NCOR2: variants seen among roughly 807,000 people sequenced by gnomAD.
NCOR2 encodes CTG repeat protein 26.
In NCOR2, 81 loss-of-function variants were observed where a neutral mutation model predicts 262.9. That is an observed-to-expected ratio of 0.31 (90% confidence interval 0.26 to 0.37). The LOEUF is 0.37. NCOR2 is among the 10% of genes least tolerant of loss of function. The pLI is 1.00. For synonymous variants in NCOR2, 1,659 were observed against 1,559.3 expected (o/e 1.06, Z -1.51); for missense variants, 3,385 against 3,621.4 (o/e 0.93, Z 1.68).
At chr12:124,509,232 T>TGGTG (rs1213884725) in intron 1 of NCOR2, among the ~76,000 whole-genome samples, 2 of 16,496 alleles carry the variant, frequency 1.2e-4, no homozygotes, top group Non-Finnish European at 2.7e-4. Flanking sequence ...GCACTGGCTT[T>TGGTG]GGTGGGGGGG....
chr12:124,424,624 C>T (rs1344122806), intron 11 of NCOR2, among the ~76,000 whole-genome samples: 1 of 152,186 alleles, frequency 6.6e-6, no homozygotes, highest in African/African-American at 2.4e-5. Flanking sequence ...TTTCTGAGTT[C>T]GGTATCTGCA....
chr12:124,496,095 C>T (rs538064464), upstream of NCOR2, among the ~76,000 whole-genome samples: 30 of 152,186 alleles, frequency 2.0e-4, no homozygotes, highest in Non-Finnish European at 3.4e-4. The surrounding 1 kb of genome is among the most constrained non-coding windows in gnomAD (Gnocchi z 4.4). Context: ...CTCGTGGCCA[C>T]GCCAGAGGAA....
chr12:124,355,334 C>T, intron 24 of NCOR2, 98 bp downstream of exon 26: 2 of 1,452,396 alleles, frequency 1.4e-6, no homozygotes, highest in Non-Finnish European at 9.3e-7. Flanking sequence ...ACCCAGGCCC[C>T]CGAGAGCCTG....
chr12:124,350,414 T>C (rs1175780255), intron 28 of NCOR2, among the ~76,000 whole-genome samples, 173 bp downstream of exon 30: 2 of 152,194 alleles, frequency 1.3e-5, no homozygotes, highest in Non-Finnish European at 2.9e-5. Flanking sequence ...GGGAGGCAGC[T>C]AAGGCCAACG....
Position 124,481,376 on chromosome 12 carries a change from C to A in NCOR2, c.411+2220G>T, listed in dbSNP as rs375014095. ...GAGACCCCCTTCAAGGCCGGCAGGG[C>A]CCCTGTGGCTGAATCTCACACCCCA... On this transcript the variant is annotated intron_variant, in intron 3 of 46. Coordinates refer to ENST00000405201, the Ensembl canonical transcript of NCOR2. This position sits in a 1 kb window ranked among gnomAD's most constrained non-coding sequence, Gnocchi z 4.6. 2.5e-4 allele frequency among the ~76,000 whole-genome samples: 38 copies of A among 152,258 alleles called. No individual in the cohort carries two copies. Among genetic ancestry groups the A allele is most frequent in the African/African-American group, 9.1e-4 (38 of 41,548 alleles).
At chr12:124,357,766 C>T (rs2038066500) in intron 22 of NCOR2, among the ~76,000 whole-genome samples, 1 of 152,276 alleles carries the variant, frequency 6.6e-6, no homozygotes, top group African/African-American at 2.4e-5. Context: ...CTGTGCTCTA[C>T]ACAATGTTGA....
chr12:124,433,899 C>CAA (rs2044168609), intron 8 of NCOR2, among the ~76,000 whole-genome samples: 4 of 124,088 alleles, frequency 3.2e-5, no homozygotes, highest in South Asian at 2.6e-4. Context: ...CACACACACA[C>CAA]GCACACACAC....
intron 3 of NCOR2, among the ~76,000 whole-genome samples, chr12:124,474,803 C>A (rs555300178): frequency 3.5e-4 from 53 of 152,304 alleles, no homozygotes; most frequent in African/African-American, 1.3e-3. Flanking sequence ...CAGAACCCAG[C>A]CCCCGCCCTG....
chr12:124,351,972 C>T (rs1234262624), intron 27 of NCOR2, among the ~76,000 whole-genome samples: 1 of 152,174 alleles, frequency 6.6e-6, no homozygotes, highest in Non-Finnish European at 1.5e-5. Context: ...ACCTGGTACC[C>T]CGGGGAGTTC....
intron 16 of NCOR2, 93 bp from the exon 19 acceptor site, chr12:124,385,980 C>G (rs1181131279): frequency 6.8e-7 from 1 of 1,465,180 alleles, no homozygotes; most frequent in East Asian, 2.3e-5. Context: ...GGGCCTGGAG[C>G]AGAAACCCAG....
At position 124,481,968 on chromosome 12, in the gene NCOR2, GA is replaced by G. The variant is rs1187893829; in HGVS notation, c.411+1627del. ...TGCCTCAGGTGTGGGCAGAAGGCTG[GA>G]ATTGAGATATTTTAGGGCAGAGGTG... is the stretch of plus-strand genomic sequence containing the variant. On this transcript the variant is annotated intron_variant, in intron 3 of 46. Coordinates refer to ENST00000405201, the Ensembl canonical transcript of NCOR2. This position sits in a 1 kb window ranked among gnomAD's most constrained non-coding sequence, Gnocchi z 4.6. Among the ~76,000 whole-genome samples, 1 of 152,116 alleles carries G rather than the reference GA, an allele frequency of 6.6e-6. No individual in the cohort carries two copies.
chr12:124,477,753 G>A (rs1194954761), intron 3 of NCOR2, among the ~76,000 whole-genome samples: 2 of 152,220 alleles, frequency 1.3e-5, no homozygotes, highest in African/African-American at 4.8e-5. Context: ...CCTGATGACT[G>A]TCCACCTTCC....
At chr12:124,498,582 AAAAC>A (rs1565999030), upstream of NCOR2, among the ~76,000 whole-genome samples, 1 of 152,224 alleles carries the variant, frequency 6.6e-6, no homozygotes, top group Non-Finnish European at 1.5e-5. Context: ...AACTCGAAAA[AAAAC>A]AAATGTTAGG....
chr12:124,447,260 T>C (rs940900541), intron 7 of NCOR2, among the ~76,000 whole-genome samples: 1 of 152,250 alleles, frequency 6.6e-6, no homozygotes, highest in African/African-American at 2.4e-5. Context: ...TGATTTAGAT[T>C]TGGAACAAAT....
chr12:124,448,286 A>T (rs2045307723), intron 7 of NCOR2, among the ~76,000 whole-genome samples: 1 of 152,194 alleles, frequency 6.6e-6, no homozygotes, highest in Non-Finnish European at 1.5e-5. Context: ...TTCCCACCCC[A>T]GACAGGGGCC....
At chr12:124,470,330 C>G (rs1405024627) in intron 4 of NCOR2, among the ~76,000 whole-genome samples, 1 of 152,190 alleles carries the variant, frequency 6.6e-6, no homozygotes, top group Non-Finnish European at 1.5e-5. Context: ...CTGTACGACA[C>G]GACCCAGCAA....
At chr12:124,400,240 A>G (rs2041922089) in intron 15 of NCOR2, among the ~76,000 whole-genome samples, 1 of 152,172 alleles carries the variant, frequency 6.6e-6, no homozygotes, top group Non-Finnish European at 1.5e-5. Context: ...GCAAGTGACT[A>G]CAACTGTCCC....
chr12:124,547,059 G>A (rs1248900697), intron 1 of NCOR2, among the ~76,000 whole-genome samples: 2 of 151,986 alleles, frequency 1.3e-5, no homozygotes, highest in East Asian at 1.9e-4. Flanking sequence ...GTGCAATCTC[G>A]GCTCACTGCA....
chr12:124,441,102 G>A (rs890852913), intron 7 of NCOR2, among the ~76,000 whole-genome samples: 1 of 151,072 alleles, frequency 6.6e-6, no homozygotes, highest in African/African-American at 2.5e-5. Flanking sequence ...CCTAGAAGCA[G>A]TGAAGGCCCA....
Sources: gnomAD v4.1 joint callset for allele counts (sites outside exome capture counted in the v4.1 genomes callset) on GRCh38, gnomAD v4.1.1 for gene constraint, Gnocchi (gnomAD v3.1) non-coding constraint, MANE v1.5 for transcripts, NCBI Gene and HGNC (gene_info 2026-07-23, HGNC 2026-07-21) for gene names.